The following MIPOL1 variants were observed in gnomAD, a reference collection of about 807,000 sequenced individuals.
MIPOL1 encodes mirror-image polydactyly 1, also known as mirror-image polydactyly gene 1 protein.
Under a neutral mutation model 60.9 loss-of-function variants are expected in MIPOL1, and 57 were observed. The ratio of observed to expected loss-of-function variants is 0.94; its 90% CI spans 0.76 to 1.17. MIPOL1 has a LOEUF of 1.17. Among genes scored for constraint, MIPOL1 ranks in the 50% most tolerant of loss-of-function variants. The pLI is 0.00. For synonymous variants in MIPOL1, 179 were observed against 168.8 expected, an observed-to-expected ratio of 1.06 and a Z score of -0.47; for missense variants, 551 against 511.6, an observed-to-expected ratio of 1.08 and a Z score of -0.74.
chr14:37,267,024 A>G lies in MIPOL1; in HGVS notation c.106A>G (p.Lys36Glu). Residue 36 changes from lysine (K) to glutamate (E), a missense_variant, in exon 4 of 13, where the codon AAA (lysine) becomes GAA (glutamate). Coordinates refer to ENST00000684589, the MANE Select transcript of MIPOL1 (RefSeq NM_001388067.1). ...TGAGCAACTGACTATGAATTCTGAG[A>G]AAAGTATGCATCGGAAATCCACTGA... Reference protein sequence around the residue: ...PDEQLTMNSEKSMHRKSTELV... With the variant: ...PDEQLTMNSEESMHRKSTELV... 2 of 1,613,458 alleles carry G rather than the reference A, an allele frequency of 1.2e-6. No individual in the cohort carries two copies. The highest frequency in any genetic ancestry group is 1.3e-5 in the African/African-American group (1 of 75,056).
intron 3 of MIPOL1, among the ~76,000 whole-genome samples, chr14:37,261,386 T>TA (rs1340529187): frequency 1.3e-5 from 2 of 152,060 alleles, no homozygotes; most frequent in Non-Finnish European, 2.9e-5. Flanking sequence ...AATGTTTAGA[T>TA]AACAACTTGG....
intron 9 of MIPOL1, among the ~76,000 whole-genome samples, chr14:37,355,328 C>T: frequency 8.2e-6 from 1 of 121,764 alleles, no homozygotes. Flanking sequence ...TTCTCTCTGG[C>T]TGCCCTTAAC....
chr14:37,474,461 A>T (rs1419826056), intron 11 of MIPOL1, among the ~76,000 whole-genome samples: 2 of 152,164 alleles, frequency 1.3e-5, no homozygotes, highest in Non-Finnish European at 2.9e-5. Flanking sequence ...AAGTCTCATG[A>T]GATCTAATGG....
intron 12 of MIPOL1, among the ~76,000 whole-genome samples, chr14:37,514,984 A>T (rs2095358447): frequency 6.6e-6 from 1 of 152,214 alleles, no homozygotes. Context: ...CTTGGATTCT[A>T]AGATTCCGTA....
intron 10 of MIPOL1, among the ~76,000 whole-genome samples, chr14:37,407,765 C>A (rs945854023): frequency 8.0e-5 from 12 of 149,950 alleles, no homozygotes; most frequent in African/African-American, 2.7e-4. Context: ...TATTCTTAAT[C>A]ATTTAATCAA....
At position 37,369,631 on chromosome 14, in the gene MIPOL1, C is replaced by T; in HGVS notation, c.936+7C>T. On this transcript the variant is annotated splice_region_variant and intron_variant, in intron 10 of 12. Transcript: ENST00000684589. The stretch of plus-strand genomic sequence containing the variant: ...TCAAGAACGTGCTCTGAAGGTAAAT[C>T]TCCGTTCCTTCTTGCAGGCAAATTA... 6.2e-7 allele frequency: 1 copy of T among 1,607,120 alleles called. No homozygotes were observed. Among genetic ancestry groups the T allele is most frequent in the Non-Finnish European group, 8.5e-7 (1 of 1,174,272 alleles).
intron 1 of MIPOL1, among the ~76,000 whole-genome samples, chr14:37,245,892 G>A (rs556476044): frequency 3.9e-5 from 6 of 152,180 alleles, no homozygotes; most frequent in African/African-American, 1.2e-4. Flanking sequence ...AGGACCACTT[G>A]AGTAGTTAGT....
chr14:37,513,559 C>T (rs557882026), intron 12 of MIPOL1, among the ~76,000 whole-genome samples: 4 of 152,116 alleles, frequency 2.6e-5, no homozygotes, highest in East Asian at 1.9e-4. Context: ...TTAGGATTGG[C>T]GCCTAACCCA....
At chr14:37,456,026 A>G (rs2153578366) in intron 11 of MIPOL1, among the ~76,000 whole-genome samples, 1 of 152,136 alleles carries the variant, frequency 6.6e-6, no homozygotes, top group African/African-American at 2.4e-5. Context: ...AATTGCAAAA[A>G]TATAGGATGT....
At chr14:37,243,040 A>G (rs550835452) in intron 1 of MIPOL1, among the ~76,000 whole-genome samples, 4 of 152,340 alleles carry the variant, frequency 2.6e-5, no homozygotes, top group African/African-American at 9.6e-5. Context: ...GAAGACCAGC[A>G]TGACTGGAGC....
intron 11 of MIPOL1, among the ~76,000 whole-genome samples, chr14:37,427,702 T>C (rs2093988799): frequency 6.6e-6 from 1 of 152,132 alleles, no homozygotes; most frequent in East Asian, 1.9e-4. Context: ...GAGGAAATTA[T>C]GAAAAAAACC....
At chr14:37,310,885 C>T (rs544948505) in intron 9 of MIPOL1, among the ~76,000 whole-genome samples, 1 of 152,214 alleles carries the variant, frequency 6.6e-6, no homozygotes, top group African/African-American at 2.4e-5. Flanking sequence ...GAGGGCTTAG[C>T]TTTTTAACTT....
At chr14:37,356,127 A>G (rs1374565554) in intron 9 of MIPOL1, among the ~76,000 whole-genome samples, 2 of 150,236 alleles carry the variant, frequency 1.3e-5, no homozygotes, top group Non-Finnish European at 3.0e-5. Context: ...CTTCTAACAG[A>G]CAGGACCCTC....
chr14:37,470,549 G>A (rs929786120), intron 11 of MIPOL1, among the ~76,000 whole-genome samples: 3 of 152,048 alleles, frequency 2.0e-5, no homozygotes, highest in Non-Finnish European at 2.9e-5. Context: ...TTCACCTTTC[G>A]TCATGCTTGT....
At chr14:37,475,639 G>A (rs1374755084) in intron 11 of MIPOL1, among the ~76,000 whole-genome samples, 1 of 151,692 alleles carries the variant, frequency 6.6e-6, no homozygotes, top group East Asian at 1.9e-4. Context: ...TTTTCATGTG[G>A]ATATCCAATT....
intron 9 of MIPOL1, among the ~76,000 whole-genome samples, chr14:37,337,338 ATATATATATATATATATATTTTTT>A: frequency 4.9e-5 from 1 of 20,348 alleles, no homozygotes; most frequent in African/African-American, 2.6e-4. Context: ...ATATATATAT[ATATATATATATATATATATTTTTT>A]TTTTTTTTTT....
chr14:37,258,845 A>G (rs1171832473), intron 3 of MIPOL1, among the ~76,000 whole-genome samples: 2 of 152,170 alleles, frequency 1.3e-5, no homozygotes, highest in Non-Finnish European at 2.9e-5. Context: ...TGGTGAAACA[A>G]ACAAAAACTT....
chr14:37,265,757 C>T (rs1389549009), intron 3 of MIPOL1, among the ~76,000 whole-genome samples: 1 of 152,028 alleles, frequency 6.6e-6, no homozygotes, highest in East Asian at 1.9e-4. Context: ...TGCTTAAACC[C>T]AGGAGTTTGA....
Position 37,444,223 on chromosome 14 carries a change from G to A in MIPOL1, c.1031+21274G>A, listed in dbSNP as rs549452720. Among the ~76,000 whole-genome samples, 9 of 152,146 alleles carry A rather than the reference G, an allele frequency of 5.9e-5. No homozygotes were observed. The East Asian group carries it at 1.5e-3, about 26-fold the overall frequency. On this transcript the variant is annotated intron_variant, in intron 11 of 12. Coordinates refer to ENST00000684589, the MANE Select transcript of MIPOL1 (RefSeq NM_001388067.1). The stretch of plus-strand genomic sequence containing the variant: ...AAATTTCATTTTCTAATTGTTCATT[G>A]CTAATATATGGAAATACAATTGATT...
Sources: gnomAD v4.1 joint callset for allele counts (sites outside exome capture counted in the v4.1 genomes callset) on GRCh38, gnomAD v4.1.1 for gene constraint, MANE v1.5 for transcripts, NCBI Gene and HGNC (gene_info 2026-07-23, HGNC 2026-07-21) for gene names.